The following RWDD1 variants were observed in gnomAD, a reference collection of about 807,000 sequenced individuals.
RWDD1 encodes the protein RWD domain-containing protein 1.
A neutral mutation model predicts 31.6 loss-of-function variants in RWDD1; 17 were observed. The ratio of observed to expected loss-of-function variants is 0.54; its 90% CI spans 0.37 to 0.81. The LOEUF (loss-of-function observed/expected upper bound fraction) is 0.81. Ranked by LOEUF, RWDD1 falls within the 30% of genes least tolerant of loss-of-function variation. The pLI is 0.00. For synonymous variants in RWDD1, 78 were observed against 94.2 expected (o/e 0.83, Z 0.99); for missense variants, 204 against 274.5 (o/e 0.74, Z 1.82).
At chr6:116,592,875 T>C in intron 6 of RWDD1, 105 bp from the exon 7 acceptor site, 2 of 1,264,100 alleles carry the variant, frequency 1.6e-6, no homozygotes, top group South Asian at 1.5e-5. Context: ...CTACCTCATA[T>C]GCAGATTTGG....
In RWDD1 at chr6:116,595,000, TAAC is replaced by T. The variant is rs1423259860; in HGVS notation, c.*1904_*1906del. On this transcript the variant is annotated 3_prime_UTR_variant, in exon 7 of 7. Transcript: ENST00000466444. ...TTGATCCCAGACCAATAGAATGGAA[TAAC>T]AACAGGAATGTTCAGCATTTCTTTG... is the stretch of plus-strand genomic sequence containing the variant. The T allele has an allele frequency of 6.6e-6, 1 of 152,228 alleles. No homozygotes were observed. Among genetic ancestry groups the T allele is most frequent in the Non-Finnish European group, 1.5e-5 (1 of 68,030 alleles). The allele number at this position is 152,228 out of a possible 1,614,324, so 9.4% of individuals were successfully genotyped here.
chr6:116,591,573 C>T (rs192015056), intron 6 of RWDD1, among the ~76,000 whole-genome samples: 1 of 152,238 alleles, frequency 6.6e-6, no homozygotes, highest in Non-Finnish European at 1.5e-5. Context: ...ACCACCTATA[C>T]TCTTCCATCT....
At chr6:116,588,646 G>A (rs1379967318) in intron 3 of RWDD1, among the ~76,000 whole-genome samples, 196 bp from the exon 4 acceptor site, 2 of 151,900 alleles carry the variant, frequency 1.3e-5, no homozygotes, top group African/African-American at 4.8e-5. Context: ...CTGAAACACA[G>A]TATCTGTTTC....
chr6:116,591,267 ATGT>A (rs1434393311), intron 6 of RWDD1, among the ~76,000 whole-genome samples: 3 of 152,232 alleles, frequency 2.0e-5, no homozygotes, highest in Non-Finnish European at 4.4e-5. Flanking sequence ...TTTGAAATTA[ATGT>A]TGTAATTCTA....
At chr6:116,582,796 C>G (rs983664847) in intron 2 of RWDD1, among the ~76,000 whole-genome samples, 2 of 151,484 alleles carry the variant, frequency 1.3e-5, no homozygotes, top group Non-Finnish European at 2.9e-5. Context: ...GATTTTACAC[C>G]CAGTTTTTTC....
intron 1 of RWDD1, chr6:116,572,353 A>C (rs1774754038): frequency 6.6e-6 from 1 of 152,236 alleles, no homozygotes; most frequent in Admixed American, 6.5e-5. Flanking sequence ...ACTGTCCGCC[A>C]GCGAGTTAGC....
intron 1 of RWDD1, among the ~76,000 whole-genome samples, chr6:116,576,770 A>G (rs1583329647): frequency 6.6e-6 from 1 of 152,190 alleles, no homozygotes; most frequent in African/African-American, 2.4e-5. Flanking sequence ...GGGAAAGGGT[A>G]TTCCAGCCTG....
At chr6:116,573,339 C>T (rs1774780655) in intron 1 of RWDD1, among the ~76,000 whole-genome samples, 1 of 152,136 alleles carries the variant, frequency 6.6e-6, no homozygotes, top group Non-Finnish European at 1.5e-5. Flanking sequence ...ATCAGATGCC[C>T]AAGTGCTTGA....
At chr6:116,589,730 G>C (rs564385377) in intron 4 of RWDD1, among the ~76,000 whole-genome samples, 45 of 152,260 alleles carry the variant, frequency 3.0e-4, no homozygotes, top group African/African-American at 9.4e-4. Flanking sequence ...GAATCATGGT[G>C]GGAGGTGAAA....
At position 116,597,219 on chromosome 6, in the gene RWDD1, AAAAG is replaced by A. The variant is rs1318469117; in HGVS notation, c.*4120_*4123del. The A allele has an allele frequency of 2.0e-5, 3 of 152,194 alleles. No individual in the cohort carries two copies. Among genetic ancestry groups the A allele is most frequent in the Non-Finnish European group, 4.4e-5 (3 of 68,032 alleles). The allele number at this position is 152,194 out of a possible 1,614,324, so 9.4% of individuals were successfully genotyped here. A position where few individuals can be genotyped will look rare whatever the true frequency, so the allele number is the denominator to read the frequency against. ...TGATGTTTTTAAGTAATTGAAGTAA[AAAAG>A]AGAGAGAAAGAGAGAGAGAAGAGGT... On this transcript the variant is annotated 3_prime_UTR_variant, in exon 7 of 7. Transcript: ENST00000466444.
chr6:116,593,374 C>T lies in RWDD1; in HGVS notation c.*273C>T, dbSNP rs1775184164. ...TATAGCACCAAGACTCGAAGGTAGG[C>T]TGCTGCTGTGCACATGAGTTTATAC... is the stretch of plus-strand genomic sequence containing the variant. On this transcript the variant is annotated 3_prime_UTR_variant, in exon 7 of 7. Transcript: ENST00000466444. The T allele has an allele frequency of 4.0e-6, 1 of 248,812 alleles. No individual in the cohort carries two copies. Among genetic ancestry groups the T allele is most frequent in the African/African-American group, 2.3e-5 (1 of 44,352 alleles). 15.4% of individuals were successfully genotyped at this position (248,812 alleles called of 1,614,324 possible).
In RWDD1 at chr6:116,571,510, G is replaced by A. The variant is rs1774732535; in HGVS notation, c.-73G>A. 3 of 1,492,612 alleles carry A rather than the reference G, an allele frequency of 2.0e-6. No individual in the cohort carries two copies. Among genetic ancestry groups the A allele is most frequent in the Non-Finnish European group, 2.7e-6 (3 of 1,108,658 alleles). The allele number at this position is 1,492,612 out of a possible 1,614,324, so 92.5% of individuals were successfully genotyped here. A position where few individuals can be genotyped will look rare whatever the true frequency, so the allele number is the denominator to read the frequency against. ...CGCCTGGCCGCCGCCCGCTCTCCCG[G>A]CGCGGCAGCTGTCTGGGCTGCTGCG... On this transcript the variant is annotated 5_prime_UTR_variant, in exon 1 of 7. Transcript: ENST00000466444.
intron 1 of RWDD1, among the ~76,000 whole-genome samples, chr6:116,573,411 G>C (rs151024625): frequency 6.6e-6 from 1 of 152,104 alleles, no homozygotes; most frequent in Non-Finnish European, 1.5e-5. Flanking sequence ...CAGGTATTCT[G>C]CATTATCAGA....
chr6:116,583,380 A>C (rs988044115), intron 2 of RWDD1, among the ~76,000 whole-genome samples: 43 of 152,288 alleles, frequency 2.8e-4, no homozygotes, highest in African/African-American at 1.0e-3. Flanking sequence ...GAATGGTGAG[A>C]TGCTGGCCAA....
intron 1 of RWDD1, among the ~76,000 whole-genome samples, chr6:116,576,470 T>G (rs920931503): frequency 1.1e-4 from 17 of 152,216 alleles, no homozygotes; most frequent in Admixed American, 1.1e-3. Context: ...TTCCCATGCT[T>G]GTATTGAACA....
rs556080462 is a variant in RWDD1 at position 116,591,446 on chromosome 6, A to G, written c.610+496A>G. On this transcript the variant is annotated intron_variant, in intron 6 of 6. Coordinates refer to ENST00000466444, the MANE Select transcript of RWDD1 (RefSeq NM_015952.4). ...ATCATAAATCTGTGAAAACTATTCT[A>G]TGGACTGTCATGGAGCTTGTAAAAA... is the stretch of plus-strand genomic sequence containing the variant. Among the ~76,000 whole-genome samples, 17 of 152,288 alleles carry G rather than the reference A, an allele frequency of 1.1e-4. 1 individual carries two copies. The highest frequency in any genetic ancestry group is 1.1e-3 in the Admixed American group (17 of 15,294).
Position 116,584,821 on chromosome 6 carries a change from T to C in RWDD1, c.234T>C (p.Asn78=), listed in dbSNP as rs1056614791. The change falls in exon 3 of 7, where the codon AAT becomes AAC. Residue 78 remains asparagine, a synonymous_variant. Transcript: ENST00000466444. ...TCTCCCAGGAAAATCTAGAAGATAATGATGTCTCAGACATTTTAAAATTAC... is the reference window on the plus strand; with the variant it reads ...TCTCCCAGGAAAATCTAGAAGATAACGATGTCTCAGACATTTTAAAATTAC... ...EIFSQENLED[N]DVSDILKLLA... is the part of the protein sequence containing the mutation. The C allele has an allele frequency of 1.9e-6, 3 of 1,595,138 alleles. No homozygotes were observed. The highest frequency in any genetic ancestry group is 2.6e-6 in the Non-Finnish European group (3 of 1,162,924).
chr6:116,580,528 C>A (rs1774930061), intron 2 of RWDD1, among the ~76,000 whole-genome samples, 168 bp downstream of exon 2: 1 of 151,926 alleles, frequency 6.6e-6, no homozygotes, highest in Non-Finnish European at 1.5e-5. Flanking sequence ...AACATGACTT[C>A]TAGGGAAATA....
Position 116,571,632 on chromosome 6 carries a change from C to T in RWDD1, c.50C>T (p.Ser17Phe), listed in dbSNP as rs1205373600. Residue 17 changes from serine to phenylalanine, a missense_variant, in exon 1 of 7, where the codon TCC (serine) becomes TTC (phenylalanine). By Grantham distance (155) the Ser-to-Phe change is radical. Coordinates refer to ENST00000466444, the MANE Select transcript of RWDD1 (RefSeq NM_015952.4). ...CGCAACGAGCTGGAGGCCCTGGAGT[C>T]CATCTACCCTGACTCCTTCACAGGT... The part of the protein sequence containing the change: ...EQRNELEALE[S>F]IYPDSFTVLS... 1 of 1,613,472 alleles carries T rather than the reference C, an allele frequency of 6.2e-7. No individual in the cohort carries two copies. The highest frequency in any genetic ancestry group is 8.5e-7 in the Non-Finnish European group (1 of 1,179,894).
Sources: gnomAD v4.1 joint callset for allele counts (sites outside exome capture counted in the v4.1 genomes callset) on GRCh38, gnomAD v4.1.1 for gene constraint, MANE v1.5 for transcripts, NCBI Gene and HGNC (gene_info 2026-07-23, HGNC 2026-07-21) for gene names.